TRHDE: variants seen among roughly 807,000 people sequenced by gnomAD.
TRHDE encodes the protein thyrotropin-releasing hormone-degrading ectoenzyme.
In TRHDE, 72 loss-of-function variants were observed where a neutral mutation model predicts 125.7. The ratio of observed to expected loss-of-function variants is 0.57; its 90% CI spans 0.47 to 0.70. The LOEUF (loss-of-function observed/expected upper bound fraction) is 0.70, where lower values mean the gene tolerates loss of function less well. Among genes scored for constraint, TRHDE ranks in the 30% least tolerant of loss-of-function variants. The pLI is 0.00. For synonymous variants in TRHDE, 509 were observed against 509.1 expected (o/e 1.00, Z 0.00); for missense variants, 1,110 against 1,327.1 (o/e 0.84, Z 2.54).
chr12:72,265,923 AT>A (rs2139397910), intron 2 of TRHDE, among the ~76,000 whole-genome samples: 1 of 152,122 alleles, frequency 6.6e-6, no homozygotes, highest in East Asian at 1.9e-4. Context: ...TACTAGCGAT[AT>A]TTCATTATCT....
At chr12:72,134,711 G>T (rs897181630) in intron 2 of TRHDE, among the ~76,000 whole-genome samples, 8 of 152,012 alleles carry the variant, frequency 5.3e-5, no homozygotes, top group Non-Finnish European at 1.0e-4. Flanking sequence ...TATGCTATAT[G>T]TTAACTTTAT....
chr12:72,162,509 C>T (rs1006548991), intron 2 of TRHDE, among the ~76,000 whole-genome samples: 1 of 152,144 alleles, frequency 6.6e-6, no homozygotes, highest in Admixed American at 6.5e-5. Flanking sequence ...GCGATGGTTG[C>T]TTTTTCATTC....
At chr12:72,604,012 G>A (rs980606655) in intron 12 of TRHDE, among the ~76,000 whole-genome samples, 1 of 152,088 alleles carries the variant, frequency 6.6e-6, no homozygotes, top group Non-Finnish European at 1.5e-5. Flanking sequence ...AAAGGATATG[G>A]TGAGTCTTGA....
In TRHDE at chr12:72,238,339, TTATA is replaced by T. The variant is rs1252345327; in HGVS notation, n.279+132608_279+132611del. Among the ~76,000 whole-genome samples, 47 of 21,162 alleles carry T rather than the reference TTATA, an allele frequency of 2.2e-3. 2 individuals are homozygous for T. Among genetic ancestry groups the T allele is most frequent in the Middle Eastern group, 0.031 (1 of 32 alleles). 13.9% of individuals were successfully genotyped at this position (21,162 alleles called of 152,430 possible). A position where few individuals can be genotyped will look rare whatever the true frequency, so the allele number is the denominator to read the frequency against. ...ATATATATACATATATATATACACA[TTATA>T]TATATATATATATATATATACACAT... is the stretch of plus-strand genomic sequence containing the variant. On this transcript the variant is annotated intron_variant and non_coding_transcript_variant, in intron 2 of 4. Transcript: ENST00000548156.
intron 3 of TRHDE, among the ~76,000 whole-genome samples, chr12:72,450,717 C>T (rs1875529529): frequency 6.6e-6 from 1 of 152,084 alleles, no homozygotes; most frequent in Admixed American, 6.5e-5. Flanking sequence ...GGAACTTCTA[C>T]ACTGGTTTTC....
chr12:72,583,713 C>G (rs1197197915), intron 12 of TRHDE, among the ~76,000 whole-genome samples: 3 of 152,132 alleles, frequency 2.0e-5, no homozygotes, highest in Non-Finnish European at 4.4e-5. Flanking sequence ...TCAAGCTACA[C>G]TGTTTCTGCA....
At chr12:72,107,559 A>G (rs1418045705) in intron 2 of TRHDE, among the ~76,000 whole-genome samples, 3 of 152,122 alleles carry the variant, frequency 2.0e-5, no homozygotes, top group Non-Finnish European at 4.4e-5. Context: ...ACTCTTTAGA[A>G]TCTTCCAACA....
At chr12:72,527,928 A>C (rs1868367032) in intron 6 of TRHDE, among the ~76,000 whole-genome samples, 1 of 152,162 alleles carries the variant, frequency 6.6e-6, no homozygotes, top group Admixed American at 6.6e-5. Context: ...TATTCATAAA[A>C]TATGTGGCAT....
intron 2 of TRHDE, among the ~76,000 whole-genome samples, chr12:72,335,914 T>C (rs997259857): frequency 1.3e-5 from 2 of 152,190 alleles, no homozygotes; most frequent in Admixed American, 6.5e-5. Flanking sequence ...ACAATTATTT[T>C]AGAAATGCTA....
intron 2 of TRHDE, among the ~76,000 whole-genome samples, chr12:72,165,877 G>A (rs1037345005): frequency 9.9e-5 from 15 of 152,046 alleles, no homozygotes; most frequent in Admixed American, 4.6e-4. Flanking sequence ...GGGTTTCACC[G>A]TTTTAGCCAG....
chr12:72,296,758 A>T (rs1221526716), intron 2 of TRHDE, among the ~76,000 whole-genome samples: 1 of 152,132 alleles, frequency 6.6e-6, no homozygotes, highest in Admixed American at 6.5e-5. Context: ...TAAAAAGAAA[A>T]GAATAAAATT....
At chr12:72,314,357 T>TA (rs923149586) in intron 2 of TRHDE, among the ~76,000 whole-genome samples, 3 of 151,150 alleles carry the variant, frequency 2.0e-5, no homozygotes, top group African/African-American at 4.9e-5. Context: ...TCTTTTTTTT[T>TA]AAAAAAAGAA....
At chr12:72,102,596 G>T (rs576772998) in intron 1 of TRHDE, among the ~76,000 whole-genome samples, 1 of 152,234 alleles carries the variant, frequency 6.6e-6, no homozygotes, top group African/African-American at 2.4e-5. Context: ...CAGCTTATGG[G>T]TTACCAAAAA....
At chr12:72,508,526 T>C (rs1465799630) in intron 6 of TRHDE, among the ~76,000 whole-genome samples, 1 of 152,180 alleles carries the variant, frequency 6.6e-6, no homozygotes, top group Non-Finnish European at 1.5e-5. Context: ...TTTCTCCCTT[T>C]TGGAATGGGA....
Position 72,547,359 on chromosome 12 carries a change from A to G in TRHDE, c.1788+5003A>G, listed in dbSNP as rs116739075. 9.9e-3 allele frequency among the ~76,000 whole-genome samples: 1,499 copies of G among 151,740 alleles called. 26 individuals carry two copies. Among genetic ancestry groups the G allele is most frequent in the African/African-American group, 0.034 (1,420 of 41,438 alleles). The stretch of plus-strand genomic sequence containing the variant: ...ACATTTTACTAACCTCATAACTTCA[A>G]TCCAGTTGCTTGTGGTCTGTAATGT... On this transcript the variant is annotated intron_variant, in intron 7 of 18. Coordinates refer to ENST00000261180, the MANE Select transcript of TRHDE (RefSeq NM_013381.3).
chr12:72,113,834 A>G (rs563409276), intron 2 of TRHDE, among the ~76,000 whole-genome samples: 1 of 152,268 alleles, frequency 6.6e-6, no homozygotes, highest in Admixed American at 6.5e-5. Context: ...TTACCTTGAA[A>G]GATGCTTTGA....
intron 6 of TRHDE, among the ~76,000 whole-genome samples, chr12:72,504,443 A>G (rs1375652452): frequency 2.0e-5 from 3 of 151,788 alleles, no homozygotes; most frequent in Admixed American, 1.3e-4. Context: ...AGCTGGGACT[A>G]TGGGTGCCCA....
chr12:72,234,240 CTT>C (rs1878299965), intron 2 of TRHDE, among the ~76,000 whole-genome samples: 3 of 152,086 alleles, frequency 2.0e-5, no homozygotes, highest in Admixed American at 2.0e-4. Flanking sequence ...ATGTTCACAG[CTT>C]TGTCAAAAAG....
chr12:72,582,134 A>AG (rs1202540710), intron 12 of TRHDE: 1 of 183,972 alleles, frequency 5.4e-6, no homozygotes, highest in Non-Finnish European at 9.9e-6. Flanking sequence ...AAAGTGCTGT[A>AG]GGCACTAGAG....
Sources: allele counts gnomAD v4.1 joint callset (sites outside exome capture counted in the v4.1 genomes callset), GRCh38; gene constraint gnomAD v4.1.1; transcripts MANE v1.5; gene names NCBI Gene and HGNC (gene_info 2026-07-23, HGNC 2026-07-21).